Variants in CEP162 observed in about 807,000 individuals in gnomAD.
CEP162 encodes centrosomal protein 162, also known as centrosomal protein of 162 kDa.
A neutral mutation model predicts 169.2 loss-of-function variants in CEP162; 141 were observed. That is an observed-to-expected ratio of 0.83 (90% CI 0.73 to 0.96). The LOEUF (loss-of-function observed/expected upper bound fraction) is 0.96, where lower values mean the gene tolerates loss of function less well. Among genes scored for constraint, CEP162 ranks in the 40% least tolerant of loss-of-function variants. CEP162 has a pLI of 0.00. For synonymous variants in CEP162, 540 were observed against 526.4 expected (o/e 1.03, Z -0.35); for missense variants, 1,600 against 1,587.2 (o/e 1.01, Z -0.14).
intron 25 of CEP162, among the ~76,000 whole-genome samples, chr6:84,137,327 G>T (rs1346182151): frequency 6.6e-6 from 1 of 152,036 alleles, no homozygotes; most frequent in Non-Finnish European, 1.5e-5. Flanking sequence ...GCCTTACAAC[G>T]GCAAGTCAAG....
chr6:84,147,859 A>T (rs1588727884), intron 24 of CEP162, among the ~76,000 whole-genome samples: 2 of 152,188 alleles, frequency 1.3e-5, no homozygotes, highest in African/African-American at 4.8e-5. Flanking sequence ...GAAATATATG[A>T]ACAGATACTT....
At chr6:84,168,376 C>T (rs1427273018) in intron 18 of CEP162, among the ~76,000 whole-genome samples, 1 of 152,134 alleles carries the variant, frequency 6.6e-6, no homozygotes, top group Non-Finnish European at 1.5e-5. Flanking sequence ...ATTTTATATA[C>T]TACAAAACCC....
chr6:84,193,642 A>G lies in CEP162; in HGVS notation c.1076T>C (p.Phe359Ser), dbSNP rs967884996. Residue 359 changes from phenylalanine to serine, a missense_variant, in exon 11 of 27, where the codon TTT (phenylalanine) becomes TCT (serine). Physicochemically the swap from Phe to Ser is radical, Grantham distance 155. Coordinates refer to ENST00000403245, the MANE Select transcript of CEP162 (RefSeq NM_014895.4). ...TTGTAAATCAAAACCACTGATCCCA[A>G]AGGAATCTATTCTGATAGGTTTCAT... ...ELMKPIRIDS[F>S]GISGFDLQPV... The G allele has an allele frequency of 6.4e-7, 1 of 1,567,550 alleles. No homozygotes were observed. The highest frequency in any genetic ancestry group is 1.9e-5 in the Admixed American group (1 of 53,542).
At position 84,215,885 on chromosome 6, in the gene CEP162, C is replaced by T. The variant is rs1588890244; in HGVS notation, c.210G>A (p.Lys70=). The part of the protein sequence containing the change: ...LGTNVSYLKT[K]KTSQPVMEIE... The stretch of plus-strand genomic sequence containing the variant: ...TTTCCATAACAGGCTGAGAAGTCTT[C>T]TTTGTTTTCAAATAGCTCACATTTG... Residue 70 remains lysine, a synonymous_variant, in exon 4 of 27, where the codon AAG becomes AAA. Transcript: ENST00000403245. The T allele has an allele frequency of 1.9e-6, 3 of 1,576,886 alleles. No homozygotes were observed. Among genetic ancestry groups the T allele is most frequent in the Admixed American group, 1.8e-5 (1 of 54,062 alleles).
At chr6:84,176,406 T>C (rs2099532424) in intron 13 of CEP162, among the ~76,000 whole-genome samples, 1 of 152,210 alleles carries the variant, frequency 6.6e-6, no homozygotes, top group South Asian at 2.1e-4. Context: ...TTTCTAAAAG[T>C]GTTCATGAAG....
intron 25 of CEP162, among the ~76,000 whole-genome samples, chr6:84,130,406 T>C (rs1220499139): frequency 6.6e-6 from 1 of 152,180 alleles, no homozygotes; most frequent in Admixed American, 6.5e-5. Flanking sequence ...CTTTTTCTAT[T>C]GTGTGGAATA....
chr6:84,147,543 T>G (rs1218869418), intron 24 of CEP162, among the ~76,000 whole-genome samples: 2 of 152,132 alleles, frequency 1.3e-5, no homozygotes, highest in East Asian at 3.8e-4. Context: ...AAATCCCAAT[T>G]ACCCTGACTT....
At chr6:84,155,773 A>G (rs889701299) in intron 21 of CEP162, among the ~76,000 whole-genome samples, 2 of 152,190 alleles carry the variant, frequency 1.3e-5, no homozygotes, top group Admixed American at 1.3e-4. Flanking sequence ...CATAGACTGG[A>G]AGGATTAGTG....
At chr6:84,156,018 G>A (rs966003428) in intron 21 of CEP162, among the ~76,000 whole-genome samples, 1 of 151,966 alleles carries the variant, frequency 6.6e-6, no homozygotes, top group Admixed American at 6.6e-5. Flanking sequence ...GCACAGTACT[G>A]ATAAAAATAG....
rs748099544 is a variant in CEP162, at chr6:84,194,870, CTG to C, written c.1027+12_1027+13del. 5.8e-6 allele frequency: 9 copies of C among 1,552,460 alleles called. No homozygotes were observed. Among genetic ancestry groups the C allele is most frequent in the Middle Eastern group, 1.7e-4 (1 of 5,922 alleles). ...GATATCAAATAATTGAAAAATTCATCTGTAAGTTTTTACCAGATTCCATAGTA... is the reference window on the plus strand; with the variant it reads ...GATATCAAATAATTGAAAAATTCATCTAAGTTTTTACCAGATTCCATAGTA... On this transcript the variant is annotated intron_variant, in intron 10 of 26. Coordinates refer to ENST00000403245, the MANE Select transcript of CEP162 (RefSeq NM_014895.4).
At chr6:84,175,413 T>C in intron 13 of CEP162, 66 bp from the exon 14 acceptor site, 1 of 1,143,880 alleles carries the variant, frequency 8.7e-7, no homozygotes, top group Non-Finnish European at 1.2e-6. Flanking sequence ...TCATCAATTG[T>C]GTCCAATAAC....
intron 25 of CEP162, among the ~76,000 whole-genome samples, chr6:84,129,999 T>A (rs1588688785): frequency 6.6e-6 from 1 of 152,150 alleles, no homozygotes; most frequent in South Asian, 2.1e-4. Flanking sequence ...TGGCTGTGGG[T>A]TTGTCATAAA....
At chr6:84,189,235 G>A (rs1481142465) in intron 11 of CEP162, among the ~76,000 whole-genome samples, 3 of 152,078 alleles carry the variant, frequency 2.0e-5, no homozygotes, top group Non-Finnish European at 4.4e-5. Context: ...GCTTGCTCTC[G>A]GCACCTCCCC....
chr6:84,217,925 C>T (rs1435844442), intron 3 of CEP162: 2 of 152,056 alleles, frequency 1.3e-5, no homozygotes, highest in Non-Finnish European at 2.9e-5. Flanking sequence ...ATTGGAAGAA[C>T]GGTCTAGAAA....
At chr6:84,170,267 G>A (rs888159860) in intron 17 of CEP162, among the ~76,000 whole-genome samples, 2 of 150,924 alleles carry the variant, frequency 1.3e-5, no homozygotes, top group African/African-American at 4.9e-5. Flanking sequence ...CCAGATACTC[G>A]GGAGGCTGAG....
At chr6:84,211,041 T>A (rs2099549209) in intron 6 of CEP162, among the ~76,000 whole-genome samples, 1 of 151,994 alleles carries the variant, frequency 6.6e-6, no homozygotes, top group Admixed American at 6.6e-5. Context: ...ATTACTAGAC[T>A]TCTAAGAGGC....
intron 21 of CEP162, among the ~76,000 whole-genome samples, chr6:84,156,960 A>G (rs1401485910): frequency 6.6e-6 from 1 of 152,128 alleles, no homozygotes; most frequent in Non-Finnish European, 1.5e-5. Context: ...GGAGACTACA[A>G]AAGGTGGCAG....
chr6:84,215,559 T>C, intron 4 of CEP162, 94 bp from the exon 5 acceptor site: 1 of 1,226,660 alleles, frequency 8.2e-7, no homozygotes, highest in Non-Finnish European at 1.1e-6. Flanking sequence ...TAGTAAATTT[T>C]AAAAATTTTA....
chr6:84,144,887 T>C (rs1455365892), intron 25 of CEP162, among the ~76,000 whole-genome samples: 1 of 152,136 alleles, frequency 6.6e-6, no homozygotes, highest in Non-Finnish European at 1.5e-5. Context: ...CTTTTTTTCC[T>C]CTATCTCTCC....
Sources: allele counts gnomAD v4.1 joint callset (sites outside exome capture counted in the v4.1 genomes callset), GRCh38; gene constraint gnomAD v4.1.1; transcripts MANE v1.5; gene names NCBI Gene and HGNC (gene_info 2026-07-23, HGNC 2026-07-21).